Variants in KIZ observed in about 807,000 individuals in gnomAD.
The protein encoded by KIZ is kizuna centrosomal protein.
Under a neutral mutation model 79.6 loss-of-function variants are expected in KIZ, and 68 were observed. That is an observed-to-expected ratio of 0.85 (90% CI 0.70 to 1.05). The LOEUF is 1.05. Ranked by LOEUF, KIZ falls within the 50% of genes least tolerant of loss-of-function variation. The probability of loss-of-function intolerance (pLI) is 0.00; values close to 1 mark genes in which losing one functional copy is unlikely to be tolerated. For missense variants in KIZ, 797 were observed against 800.4 expected (o/e 1.00, Z 0.05); for synonymous variants, 280 against 281.8 (o/e 0.99, Z 0.06).
chr20:21,241,291 A>G (rs577054539), intron 11 of KIZ, among the ~76,000 whole-genome samples: 3 of 152,316 alleles, frequency 2.0e-5, no homozygotes, highest in East Asian at 1.9e-4. Flanking sequence ...TAAAAAATCA[A>G]CTATGAATTG....
chr20:21,201,485 C>T (rs567136960), intron 6 of KIZ, among the ~76,000 whole-genome samples: 8 of 152,080 alleles, frequency 5.3e-5, no homozygotes, highest in Admixed American at 1.3e-4. Flanking sequence ...AAAATTGAGT[C>T]GGCTTTGTAT....
At chr20:21,140,014 C>T (rs775988249) in intron 3 of KIZ, among the ~76,000 whole-genome samples, 21 of 152,176 alleles carry the variant, frequency 1.4e-4, no homozygotes, top group Non-Finnish European at 2.2e-4. Context: ...TGTGTGCCTA[C>T]GAACCCAGAC....
At chr20:21,224,019 G>A (rs1014819161) in intron 9 of KIZ, among the ~76,000 whole-genome samples, 2 of 150,800 alleles carry the variant, frequency 1.3e-5, no homozygotes, top group African/African-American at 4.9e-5. Context: ...TTGAGATGGA[G>A]TTTTATTCTT....
chr20:21,143,973 C>A (rs1289473060), intron 3 of KIZ: 1 of 152,210 alleles, frequency 6.6e-6, no homozygotes, highest in Admixed American at 6.5e-5. Flanking sequence ...TCTCTGACTT[C>A]ATTGTGCGAT....
chr20:21,226,734 G>T (rs2036667634), intron 9 of KIZ, among the ~76,000 whole-genome samples: 1 of 152,228 alleles, frequency 6.6e-6, no homozygotes, highest in Admixed American at 6.5e-5. Flanking sequence ...ATCACACTGG[G>T]ATTGGGGGTG....
At position 21,156,252 on chromosome 20, in the gene KIZ, A is replaced by G. The variant is rs933751331; in HGVS notation, c.406-5619A>G. Among the ~76,000 whole-genome samples, 24 of 152,182 alleles carry G rather than the reference A, an allele frequency of 1.6e-4. 1 individual carries two copies. The highest frequency in any genetic ancestry group is 5.8e-4 in the African/African-American group (24 of 41,450). On this transcript the variant is annotated intron_variant, in intron 4 of 12. Coordinates refer to ENST00000619189, the MANE Select transcript of KIZ (RefSeq NM_018474.6). ...GATACATTACTGTTAACTGAACTCT[A>G]GACTTGATTCAGATATTGCCAGTTT...
chr20:21,219,706 C>T (rs962169787), intron 9 of KIZ, among the ~76,000 whole-genome samples: 2 of 152,184 alleles, frequency 1.3e-5, no homozygotes, highest in Non-Finnish European at 2.9e-5. Context: ...TGTGCTTCTT[C>T]CTCTATGCTA....
intron 9 of KIZ, among the ~76,000 whole-genome samples, chr20:21,223,703 T>C (rs2036573287): frequency 6.8e-6 from 1 of 146,680 alleles, no homozygotes. Context: ...GGAGTCTTGC[T>C]CTCTCACCCA....
intron 4 of KIZ, among the ~76,000 whole-genome samples, chr20:21,145,920 A>G (rs1424724063): frequency 6.6e-6 from 1 of 152,248 alleles, no homozygotes; most frequent in Non-Finnish European, 1.5e-5. Context: ...TTTCTAAATC[A>G]TGCCTTGTAG....
At chr20:21,142,067 T>G (rs1393851495) in intron 3 of KIZ, among the ~76,000 whole-genome samples, 1 of 150,638 alleles carries the variant, frequency 6.6e-6, no homozygotes, top group East Asian at 2.0e-4. Flanking sequence ...TCTCTCTACA[T>G]CTTTATCTCC....
Position 21,151,671 on chromosome 20 carries a change from A to G in KIZ, c.405+6017A>G, listed in dbSNP as rs1055869839. 3 of 152,212 alleles carry G rather than the reference A, an allele frequency of 2.0e-5. No homozygotes were observed. In the East Asian group the frequency reaches 5.8e-4, roughly 29 times the overall value. The allele number at this position is 152,212 out of a possible 1,614,324, so 9.4% of individuals were successfully genotyped here. On this transcript the variant is annotated intron_variant, in intron 4 of 12. Coordinates refer to ENST00000619189, the MANE Select transcript of KIZ (RefSeq NM_018474.6). ...AAGACTTTCCAAATTCATATAGTCC[A>G]TGAAATACTGTATTATTAGAAAAAG...
chr20:21,157,607 A>G (rs1172514050), intron 4 of KIZ, among the ~76,000 whole-genome samples: 1 of 152,162 alleles, frequency 6.6e-6, no homozygotes, highest in Non-Finnish European at 1.5e-5. Flanking sequence ...TATGCAGATT[A>G]CCAATCTGTT....
rs1452181678 is a variant in KIZ at position 21,136,191 on chromosome 20, C to T, written c.153-199C>T. ...CAGGGGAGTTATGCTTAGAGGAAAC[C>T]GATATGATACCTCAGTGGTGCTGCA... On this transcript the variant is annotated intron_variant, in intron 2 of 12. Coordinates refer to ENST00000619189, the MANE Select transcript of KIZ (RefSeq NM_018474.6). Among the ~76,000 whole-genome samples the T allele has an allele frequency of 4.0e-5, 6 of 151,628 alleles. No homozygotes were observed. The South Asian group carries it at 6.3e-4, about 16-fold the overall frequency.
rs556748844 is a variant in KIZ at position 21,145,175 on chromosome 20, T to C, written c.316-390T>C. Among the ~76,000 whole-genome samples the C allele has an allele frequency of 4.6e-5, 7 of 151,416 alleles. No individual in the cohort carries two copies. The East Asian group carries it at 1.4e-3, about 29-fold the overall frequency. Reference sequence around the variant, plus strand: ...ATCAGTAGGATTGATTTTTTTTGTTTGTTTGGGGCAAAACTTCTAAAAGGA... The same window carrying C: ...ATCAGTAGGATTGATTTTTTTTGTTCGTTTGGGGCAAAACTTCTAAAAGGA... On this transcript the variant is annotated intron_variant, in intron 3 of 12. Transcript: ENST00000619189.
chr20:21,140,435 C>T (rs2032452144), intron 3 of KIZ, among the ~76,000 whole-genome samples: 1 of 152,178 alleles, frequency 6.6e-6, no homozygotes, highest in Admixed American at 6.5e-5. Context: ...TACCAAGTGA[C>T]TTTCTCCCAC....
chr20:21,229,059 C>G lies in KIZ; in HGVS notation c.1727C>G (p.Thr576Arg). The stretch of plus-strand genomic sequence containing the variant: ...AAGAAGGCCACCCTTCAGGATAATA[C>G]AAATCAAACTGAAAACAGGTTTCAA... ...LLKKATLQDN[T>R]NQTENRFQKT... Residue 576 changes from threonine (T) to arginine (R), a missense_variant, in exon 10 of 13, where the codon ACA becomes AGA. Thr to Arg is a moderately conservative substitution (Grantham distance 71). Transcript: ENST00000619189. 1 of 1,612,518 alleles carries G rather than the reference C, an allele frequency of 6.2e-7. No homozygotes were observed. The highest frequency in any genetic ancestry group is 8.5e-7 in the Non-Finnish European group (1 of 1,178,932).
intron 3 of KIZ, among the ~76,000 whole-genome samples, chr20:21,137,671 G>T (rs2032275846): frequency 6.6e-6 from 1 of 151,812 alleles, no homozygotes; most frequent in Non-Finnish European, 1.5e-5. Context: ...TCTGCTGCAG[G>T]CATCATGACA....
intron 4 of KIZ, among the ~76,000 whole-genome samples, chr20:21,153,502 G>A (rs901765566): frequency 1.3e-5 from 2 of 152,140 alleles, no homozygotes; most frequent in East Asian, 1.9e-4. Context: ...GATATCTCTC[G>A]ATGGTCTAAG....
chr20:21,170,582 G>T (rs7268798), intron 6 of KIZ, among the ~76,000 whole-genome samples: 1,941 of 152,036 alleles, frequency 0.013, 32 homozygotes, highest in African/African-American at 0.045. Context: ...TAGAGATGGG[G>T]TTTCACCGTG....
Sources: gnomAD v4.1 joint callset for allele counts (sites outside exome capture counted in the v4.1 genomes callset) on GRCh38, gnomAD v4.1.1 for gene constraint, MANE v1.5 for transcripts, NCBI Gene and HGNC (gene_info 2026-07-23, HGNC 2026-07-21) for gene names.